Variants in UBR4 observed in about 807,000 individuals in gnomAD.
The protein encoded by UBR4 is ubiquitin protein ligase E3 component n-recognin 4.
In UBR4, 124 loss-of-function variants were observed where a neutral mutation model predicts 575.6. The observed-to-expected ratio is 0.22, with a 90% CI of 0.19 to 0.25. The LOEUF is 0.25. Ranked by LOEUF, UBR4 falls within the 10% of genes least tolerant of loss-of-function variation. The pLI, the probability that UBR4 is intolerant of heterozygous loss-of-function variation, is 1.00. For missense variants in UBR4, 4,818 were observed against 6,478.8 expected (o/e 0.74, Z 8.80); for synonymous variants, 2,455 against 2,473.7 (o/e 0.99, Z 0.22).
In UBR4 at chr1:19,177,529, G is replaced by A; in HGVS notation, c.2569C>T (p.Arg857Cys). ...QMRFVPLILA[R>C]LLLIFDYLLH... Reference sequence around the variant, plus strand: ...AGATAATCAAAGATGAGAAGGAGGCGAGCCAAGATAAGCGGCACGAAGCGC... The same window carrying A: ...AGATAATCAAAGATGAGAAGGAGGCAAGCCAAGATAAGCGGCACGAAGCGC... Residue 857 changes from arginine (R) to cysteine (C), a missense_variant, in exon 19 of 106, where the codon CGC (arginine) becomes TGC (cysteine). By Grantham distance (180) the Arg-to-Cys change is radical. Transcript: ENST00000375254. 3 of 1,614,050 alleles carry A rather than the reference G, an allele frequency of 1.9e-6. No homozygotes were observed. The highest frequency in any genetic ancestry group is 2.5e-6 in the Non-Finnish European group (3 of 1,180,004).
At chr1:19,205,568 TG>T (rs2092964786) in intron 1 of UBR4, among the ~76,000 whole-genome samples, 2 of 152,114 alleles carry the variant, frequency 1.3e-5, no homozygotes, top group African/African-American at 4.8e-5. Context: ...GTGGTTAATG[TG>T]ATACTAAGAC....
At chr1:19,128,595 C>T (rs1487156279) in intron 61 of UBR4, among the ~76,000 whole-genome samples, 1 of 152,202 alleles carries the variant, frequency 6.6e-6, no homozygotes, top group Non-Finnish European at 1.5e-5. Context: ...AAGCAAGTAG[C>T]TTGAGAAAGG....
At chr1:19,164,173 AC>A in intron 33 of UBR4, 79 bp downstream of exon 33, 3 of 1,477,386 alleles carry the variant, frequency 2.0e-6, no homozygotes, top group Non-Finnish European at 2.7e-6. Flanking sequence ...TTTCTTCTGT[AC>A]TCACTTTGAG....
intron 78 of UBR4, among the ~76,000 whole-genome samples, chr1:19,111,103 G>C (rs1160858439): frequency 6.6e-6 from 1 of 152,236 alleles, no homozygotes; most frequent in East Asian, 1.9e-4. Context: ...CCAGGCGACA[G>C]AGCCCCTGCT....
intron 70 of UBR4, 109 bp downstream of exon 70, chr1:19,119,448 G>T: frequency 1.4e-6 from 2 of 1,427,518 alleles, no homozygotes; most frequent in Non-Finnish European, 1.9e-6. Context: ...TTTAAAAGAG[G>T]TTTCCTATAT....
intron 8 of UBR4, among the ~76,000 whole-genome samples, chr1:19,196,161 A>T (rs1481932432): frequency 6.6e-6 from 1 of 152,194 alleles, no homozygotes; most frequent in East Asian, 1.9e-4. Context: ...CTCAACTGAA[A>T]GTGAGCTCTC....
chr1:19,175,542 G>T (rs1227712524), intron 20 of UBR4, among the ~76,000 whole-genome samples: 1 of 152,000 alleles, frequency 6.6e-6, no homozygotes, highest in Non-Finnish European at 1.5e-5. Flanking sequence ...CACTAAAAAT[G>T]AACACAACAA....
chr1:19,151,338 A>G, intron 48 of UBR4: 1 of 462,872 alleles, frequency 2.2e-6, no homozygotes, highest in African/African-American at 2.0e-5. Context: ...TTGCAATTTC[A>G]TGTCAATCTG....
Position 19,139,146 on chromosome 1 carries a change from C to A in UBR4, c.8668G>T (p.Gly2890Cys). 1.9e-6 allele frequency: 3 copies of A among 1,614,028 alleles called. No individual in the cohort carries two copies. Among genetic ancestry groups the A allele is most frequent in the Non-Finnish European group, 2.5e-6 (3 of 1,179,950 alleles). ...STLRTSPADH[G>C]GSVGSESGGS... is the part of the protein sequence containing the mutation. ...CCGCTCTCCGAGCCCACACTACCACCGTGGTCAGCAGGAGAGGTCCGAAGG... is the reference window on the plus strand; with the variant it reads ...CCGCTCTCCGAGCCCACACTACCACAGTGGTCAGCAGGAGAGGTCCGAAGG... Residue 2890 changes from glycine to cysteine, a missense_variant, in exon 59 of 106, where the codon GGT (glycine) becomes TGT (cysteine). Gly to Cys is a radical substitution (Grantham distance 159). Transcript: ENST00000375254. The surrounding 1 kb of genome is among the most constrained non-coding windows in gnomAD (Gnocchi z 4.2).
In UBR4 at chr1:19,139,147, G is replaced by A. The variant is rs144709691; in HGVS notation, c.8667C>T (p.His2889=). Residue 2889 remains histidine (H), a synonymous_variant, in exon 59 of 106, where the codon CAC becomes CAT. Coordinates refer to ENST00000375254, the MANE Select transcript of UBR4 (RefSeq NM_020765.3). The surrounding 1 kb of genome is among the most constrained non-coding windows in gnomAD (Gnocchi z 4.2). ...CGCTCTCCGAGCCCACACTACCACC[G>A]TGGTCAGCAGGAGAGGTCCGAAGGG... is the stretch of plus-strand genomic sequence containing the variant. The part of the protein sequence containing the change: ...GSTLRTSPAD[H]GGSVGSESGG... 6.4e-5 allele frequency: 104 copies of A among 1,613,978 alleles called. No individual in the cohort carries two copies. The highest frequency in any genetic ancestry group is 2.8e-4 in the African/African-American group (21 of 75,024).
chr1:19,179,168 G>C lies in UBR4; in HGVS notation c.2237C>G (p.Pro746Arg). The C allele has an allele frequency of 5.0e-6, 8 of 1,594,258 alleles. No homozygotes were observed. The highest frequency in any genetic ancestry group is 6.8e-6 in the Non-Finnish European group (8 of 1,175,244). The change falls in exon 18 of 106, where the codon CCC (proline) becomes CGC (arginine). Residue 746 changes from proline (P) to arginine (R), a missense_variant. Pro to Arg is a moderately radical substitution (Grantham distance 103). Transcript: ENST00000375254. ...GAGGCTTTGAGGGTGAATGTACAAGGGCCAAGGGCCCTCAGAAAAAGGAGC... is the reference window on the plus strand; with the variant it reads ...GAGGCTTTGAGGGTGAATGTACAAGCGCCAAGGGCCCTCAGAAAAAGGAGC... Reference protein sequence around the residue: ...GVAPFSEGPWPLYIHPQSLSV... With the variant: ...GVAPFSEGPWRLYIHPQSLSV...
intron 1 of UBR4, among the ~76,000 whole-genome samples, chr1:19,202,953 G>A (rs926152264): frequency 6.6e-6 from 1 of 151,478 alleles, no homozygotes; most frequent in African/African-American, 2.4e-5. Flanking sequence ...GTGGTGGCAC[G>A]CGCCTGTAAT....
At position 19,110,884 on chromosome 1, in the gene UBR4, C is replaced by T; in HGVS notation, c.11802-52G>A. On this transcript the variant is annotated intron_variant, in intron 78 of 105. Transcript: ENST00000375254. The surrounding 1 kb of genome is among the most constrained non-coding windows in gnomAD (Gnocchi z 4.5). ...CTATAATTCACAATCAGGTGTGACACTCCTTTCCACCTGAAGGGGCCCAGG... is the reference window on the plus strand; with the variant it reads ...CTATAATTCACAATCAGGTGTGACATTCCTTTCCACCTGAAGGGGCCCAGG... 4 of 1,548,880 alleles carry T rather than the reference C, an allele frequency of 2.6e-6. No individual in the cohort carries two copies. Among genetic ancestry groups the T allele is most frequent in the Non-Finnish European group, 1.8e-6 (2 of 1,130,184 alleles).
Position 19,167,009 on chromosome 1 carries a change from C to A in UBR4, c.4109+13G>T. The A allele has an allele frequency of 1.9e-6, 3 of 1,614,156 alleles. No individual in the cohort carries two copies. Among genetic ancestry groups the A allele is most frequent in the African/African-American group, 1.3e-5 (1 of 75,048 alleles). ...AGGTCATAGGAAACCTGACTGTTCT[C>A]CATCAGGCTCACCTGTTAGGATCTG... On this transcript the variant is annotated intron_variant, in intron 29 of 105. Coordinates refer to ENST00000375254, the MANE Select transcript of UBR4 (RefSeq NM_020765.3).
chr1:19,161,247 G>C lies in UBR4; in HGVS notation c.5176-100C>G. Reference sequence around the variant, plus strand: ...GAAAATTTGACCCAAAGAAGAAACTGGCTAAGCGTTTCAATGTTATCCAAA... The same window carrying C: ...GAAAATTTGACCCAAAGAAGAAACTCGCTAAGCGTTTCAATGTTATCCAAA... On this transcript the variant is annotated intron_variant, in intron 37 of 105. Transcript: ENST00000375254. 10 of 1,136,506 alleles carry C rather than the reference G, an allele frequency of 8.8e-6. No homozygotes were observed. In the East Asian group the frequency reaches 2.6e-4, roughly 29 times the overall value. 70.4% of individuals were successfully genotyped at this position (1,136,506 alleles called of 1,614,324 possible). A position where few individuals can be genotyped will look rare whatever the true frequency, so the allele number is the denominator to read the frequency against.
chr1:19,098,152 G>A (rs972798554), intron 90 of UBR4, among the ~76,000 whole-genome samples: 1 of 152,216 alleles, frequency 6.6e-6, no homozygotes, highest in Non-Finnish European at 1.5e-5. Flanking sequence ...ACACCCTGGA[G>A]GAAGACAACC....
In UBR4 at chr1:19,165,770, C is replaced by A. The variant is rs369031871; in HGVS notation, c.4110-13G>T. Reference sequence around the variant, plus strand: ...TTCATCCAGTCCACTGAGGATCAAACGGAAAACTTAACCACCAGTATTAAG... The same window carrying A: ...TTCATCCAGTCCACTGAGGATCAAAAGGAAAACTTAACCACCAGTATTAAG... On this transcript the variant is annotated splice_polypyrimidine_tract_variant and intron_variant, in intron 29 of 105. Coordinates refer to ENST00000375254, the MANE Select transcript of UBR4 (RefSeq NM_020765.3). 2 of 1,605,226 alleles carry A rather than the reference C, an allele frequency of 1.2e-6. No individual in the cohort carries two copies. The highest frequency in any genetic ancestry group is 1.3e-5 in the African/African-American group (1 of 74,544).
Position 19,153,303 on chromosome 1 carries a change from A to C in UBR4, c.6830T>G (p.Ile2277Ser). ...KPVRKRKTAT[I>S]TTRTSSQVTF... ...AGTCATCTGAGAAGGAGCCTTACTG[A>C]TTGTAGCTGTTTTGCGCTTTCGAAC... The change falls in exon 46 of 106, where the codon ATC becomes AGC. Residue 2277 changes from isoleucine to serine, a missense_variant and splice_region_variant. Ile to Ser is a moderately radical substitution (Grantham distance 142). This residue lies in a region of UBR4 where 461 missense variants were observed against 606.9 expected (regional missense o/e 0.76). Coordinates refer to ENST00000375254, the MANE Select transcript of UBR4 (RefSeq NM_020765.3). This position sits in a 1 kb window ranked among gnomAD's most constrained non-coding sequence, Gnocchi z 4.1. 1.2e-6 allele frequency: 2 copies of C among 1,614,154 alleles called. No homozygotes were observed. The highest frequency in any genetic ancestry group is 1.7e-6 in the Non-Finnish European group (2 of 1,180,010).
At chr1:19,091,751 T>C (rs1424531826) in intron 97 of UBR4, among the ~76,000 whole-genome samples, 1 of 152,174 alleles carries the variant, frequency 6.6e-6, no homozygotes, top group Non-Finnish European at 1.5e-5. Context: ...AGAGAACAGT[T>C]TGGCAGCTTC....
Sources: allele counts gnomAD v4.1 joint callset (sites outside exome capture counted in the v4.1 genomes callset), GRCh38; gene constraint gnomAD v4.1.1; regional missense constraint gnomAD v4.1.1; non-coding constraint Gnocchi (gnomAD v3.1); transcripts MANE v1.5; gene names NCBI Gene and HGNC (gene_info 2026-07-23, HGNC 2026-07-21).